The following DAB1 variants were observed in gnomAD, a reference collection of about 807,000 sequenced individuals.
DAB1 encodes the protein disabled homolog 1.
In DAB1, 15 loss-of-function variants were observed where a neutral mutation model predicts 64.6. That is an observed-to-expected ratio of 0.23 (90% CI 0.16 to 0.36). DAB1 has a LOEUF of 0.36. Ranked by LOEUF, DAB1 falls within the 10% of genes least tolerant of loss-of-function variation. DAB1 has a pLI of 1.00. For synonymous variants in DAB1, 235 were observed against 251.9 expected (o/e 0.93, Z 0.64); for missense variants, 596 against 706.7 (o/e 0.84, Z 1.78).
intron 7 of DAB1, among the ~76,000 whole-genome samples, chr1:57,621,262 T>TTC (rs1553201063): frequency 1.6e-5 from 1 of 63,552 alleles, no homozygotes; most frequent in African/African-American, 3.5e-5. Context: ...AGTGAGATTG[T>TTC]TGTGTGTGTG....
At chr1:58,483,836 T>C (rs538598282) in intron 3 of DAB1, among the ~76,000 whole-genome samples, 5 of 152,240 alleles carry the variant, frequency 3.3e-5, no homozygotes, top group Non-Finnish European at 7.3e-5. Flanking sequence ...TTAGTTCCTT[T>C]ACAATGATGT....
chr1:57,455,355 A>AG (rs1313555638), intron 7 of DAB1, among the ~76,000 whole-genome samples: 2 of 152,150 alleles, frequency 1.3e-5, no homozygotes, highest in Non-Finnish European at 2.9e-5. Flanking sequence ...TTTACAGATG[A>AG]GGAAACTGAG....
chr1:58,071,311 C>G (rs1020387611), intron 5 of DAB1, among the ~76,000 whole-genome samples: 2 of 149,600 alleles, frequency 1.3e-5, no homozygotes, highest in Admixed American at 1.3e-4. Context: ...TGGGGAAGAT[C>G]CAGAATCCAT....
At chr1:58,380,742 C>G (rs1405001591) in intron 3 of DAB1, among the ~76,000 whole-genome samples, 1 of 152,008 alleles carries the variant, frequency 6.6e-6, no homozygotes, top group Non-Finnish European at 1.5e-5. Flanking sequence ...GGTTCTGAAG[C>G]CAGAATAAGC....
intron 4 of DAB1, among the ~76,000 whole-genome samples, chr1:58,256,341 T>A (rs1296758821): frequency 6.6e-6 from 1 of 152,188 alleles, no homozygotes; most frequent in Admixed American, 6.5e-5. Context: ...AACTACGAGC[T>A]TCTTTCTCCA....
chr1:57,974,248 G>T (rs1460537761), intron 5 of DAB1, among the ~76,000 whole-genome samples: 1 of 151,968 alleles, frequency 6.6e-6, no homozygotes, highest in African/African-American at 2.4e-5. Flanking sequence ...CACCCCAATA[G>T]CTCTCCATTT....
intron 5 of DAB1, among the ~76,000 whole-genome samples, chr1:57,891,769 C>T (rs964061478): frequency 6.6e-6 from 1 of 152,104 alleles, no homozygotes; most frequent in African/African-American, 2.4e-5. Flanking sequence ...ATCTCATGTT[C>T]TCACTCATAA....
intron 4 of DAB1, among the ~76,000 whole-genome samples, chr1:58,236,165 T>C (rs1660028103): frequency 7.2e-6 from 1 of 139,084 alleles, no homozygotes; most frequent in Non-Finnish European, 1.5e-5. Context: ...CTCTGACTAA[T>C]GAGCCAAGGC....
chr1:58,263,210 T>C (rs2100419198), intron 4 of DAB1, among the ~76,000 whole-genome samples: 1 of 152,338 alleles, frequency 6.6e-6, no homozygotes. Flanking sequence ...TAAAAAGTCC[T>C]GCTGTTTGGA....
chr1:57,342,000 C>A (rs752458036), intron 1 of DAB1, among the ~76,000 whole-genome samples: 17 of 152,186 alleles, frequency 1.1e-4, no homozygotes, highest in Non-Finnish European at 2.4e-4. Flanking sequence ...CCATGACTTA[C>A]CATATTTCAT....
chr1:57,961,972 C>CAAA (rs35916541), intron 5 of DAB1, among the ~76,000 whole-genome samples: 17 of 141,044 alleles, frequency 1.2e-4, no homozygotes, highest in African/African-American at 4.0e-4. Context: ...AACTCTGTCT[C>CAAA]AAAAAAAAAA....
intron 6 of DAB1, among the ~76,000 whole-genome samples, chr1:57,692,004 C>T (rs1448336706): frequency 2.0e-5 from 3 of 152,058 alleles, no homozygotes; most frequent in Non-Finnish European, 4.4e-5. Context: ...CATTGGTTTG[C>T]CTGGAACCAG....
intron 4 of DAB1, among the ~76,000 whole-genome samples, chr1:58,233,488 T>C (rs771243638): frequency 6.6e-5 from 10 of 152,182 alleles, no homozygotes; most frequent in Non-Finnish European, 1.3e-4. Context: ...CTGAGGAAAC[T>C]GCCTGCAGTG....
chr1:57,507,110 T>C (rs1644353136), intron 7 of DAB1, among the ~76,000 whole-genome samples: 1 of 152,180 alleles, frequency 6.6e-6, no homozygotes, highest in Non-Finnish European at 1.5e-5. Flanking sequence ...GGCTCCCCAC[T>C]GCCTCCAGGA....
chr1:57,454,025 G>A (rs1445093751), intron 7 of DAB1, among the ~76,000 whole-genome samples: 2 of 152,084 alleles, frequency 1.3e-5, no homozygotes, highest in Admixed American at 1.3e-4. Flanking sequence ...CTTTCGGCCT[G>A]GAAGAGAGAA....
intron 4 of DAB1, among the ~76,000 whole-genome samples, chr1:58,284,772 T>A (rs1432249569): frequency 6.6e-6 from 1 of 152,228 alleles, no homozygotes. Flanking sequence ...TATATAATCA[T>A]GAAGTCTCAT....
chr1:57,483,951 G>A (rs994862643), intron 7 of DAB1, among the ~76,000 whole-genome samples: 6 of 152,094 alleles, frequency 3.9e-5, no homozygotes, highest in African/African-American at 7.2e-5. Flanking sequence ...GAAAATCAAC[G>A]AATAAACAAC....
chr1:57,781,671 T>C (rs1387224070), intron 6 of DAB1, among the ~76,000 whole-genome samples: 1 of 145,026 alleles, frequency 6.9e-6, no homozygotes, highest in Non-Finnish European at 1.5e-5. Flanking sequence ...CAATATGGAA[T>C]AGTTATCAAG....
chr1:57,789,279 C>T (rs1229417101), intron 6 of DAB1, among the ~76,000 whole-genome samples: 1 of 152,118 alleles, frequency 6.6e-6, no homozygotes, highest in Non-Finnish European at 1.5e-5. Context: ...ACTCAACTGG[C>T]TTCTTGGGCC....
Sources: gnomAD v4.1 joint callset for allele counts (sites outside exome capture counted in the v4.1 genomes callset) on GRCh38, gnomAD v4.1.1 for gene constraint, MANE v1.5 for transcripts, NCBI Gene and HGNC (gene_info 2026-07-23, HGNC 2026-07-21) for gene names.